Variants in PCDH15 observed in about 807,000 individuals in gnomAD.
PCDH15 encodes protocadherin related 15.
PCDH15 carries 129 observed loss-of-function variants against 178.5 expected under a neutral mutation model. The observed-to-expected ratio is 0.72, with a 90% CI of 0.63 to 0.84. The LOEUF (loss-of-function observed/expected upper bound fraction) is 0.84. Among genes scored for constraint, PCDH15 ranks in the 40% least tolerant of loss-of-function variants. The probability of loss-of-function intolerance (pLI) is 0.00; values close to 1 mark genes in which losing one functional copy is unlikely to be tolerated. For synonymous variants in PCDH15, 800 were observed against 732.0 expected (o/e 1.09, Z -1.50); for missense variants, 2,230 against 2,099.9 (o/e 1.06, Z -1.21).
intron 2 of PCDH15, among the ~76,000 whole-genome samples, chr10:55,033,927 G>T (rs1253290444): frequency 2.6e-5 from 4 of 152,084 alleles, no homozygotes; most frequent in African/African-American, 9.7e-5. Flanking sequence ...CTTTATTAAA[G>T]GGCTTGATGG....
At chr10:55,505,485 C>G (rs1353933741) in intron 2 of PCDH15, among the ~76,000 whole-genome samples, 2 of 151,052 alleles carry the variant, frequency 1.3e-5, no homozygotes, top group Admixed American at 1.3e-4. Context: ...TGACAACAGC[C>G]AAAGAATAAA....
chr10:55,086,811 G>T (rs528119234), intron 2 of PCDH15, among the ~76,000 whole-genome samples: 3 of 152,040 alleles, frequency 2.0e-5, no homozygotes, highest in Admixed American at 2.0e-4. Flanking sequence ...GTAAAAGTTT[G>T]ATATTTAGAT....
At chr10:55,318,244 G>A (rs61851094) in intron 1 of PCDH15, among the ~76,000 whole-genome samples, 2,771 of 152,108 alleles carry the variant, frequency 0.018, 34 homozygotes, top group South Asian at 0.032. Flanking sequence ...GGGAGAGAGA[G>A]TACATGAGTA....
At chr10:54,278,722 A>G (rs2060125208) in intron 8 of PCDH15, among the ~76,000 whole-genome samples, 1 of 151,592 alleles carries the variant, frequency 6.6e-6, no homozygotes. Context: ...ATGAATATCA[A>G]AGTGATTCCA....
chr10:55,471,438 G>A (rs559425580), intron 2 of PCDH15, among the ~76,000 whole-genome samples: 1 of 152,134 alleles, frequency 6.6e-6, no homozygotes, highest in Non-Finnish European at 1.5e-5. Flanking sequence ...ACCATGACTG[G>A]CTAAGTTTAC....
intron 2 of PCDH15, among the ~76,000 whole-genome samples, chr10:55,393,602 C>T (rs1009707344): frequency 2.6e-5 from 4 of 152,042 alleles, no homozygotes; most frequent in Non-Finnish European, 5.9e-5. Flanking sequence ...TGGCATGGCA[C>T]AATGAAGAAT....
intron 8 of PCDH15, among the ~76,000 whole-genome samples, chr10:54,280,699 G>C (rs1028259301): frequency 1.3e-5 from 2 of 151,526 alleles, no homozygotes; most frequent in African/African-American, 2.4e-5. Context: ...TCTGTCAATT[G>C]TTCCCTTATC....
intron 1 of PCDH15, among the ~76,000 whole-genome samples, chr10:54,769,770 C>T (rs1357730745): frequency 6.6e-6 from 1 of 152,046 alleles, no homozygotes; most frequent in African/African-American, 2.4e-5. Context: ...AGTATTTCTT[C>T]CTGCATAAGC....
intron 3 of PCDH15, among the ~76,000 whole-genome samples, chr10:54,483,430 C>T (rs2078864680): frequency 6.6e-6 from 1 of 151,674 alleles, no homozygotes; most frequent in Non-Finnish European, 1.5e-5. Context: ...TGAGGCTTTC[C>T]ATTTGCAGAA....
chr10:55,478,270 A>G (rs1456884851), intron 2 of PCDH15, among the ~76,000 whole-genome samples: 1 of 151,720 alleles, frequency 6.6e-6, no homozygotes, highest in African/African-American at 2.4e-5. Context: ...ATTCACACAG[A>G]AACTCAACAA....
At chr10:54,087,301 C>A (rs1163996194) in intron 16 of PCDH15, among the ~76,000 whole-genome samples, 1 of 152,104 alleles carries the variant, frequency 6.6e-6, no homozygotes, top group East Asian at 1.9e-4. Context: ...AGTCACTCCC[C>A]ATTCTCTCCC....
intron 2 of PCDH15, among the ~76,000 whole-genome samples, chr10:55,478,587 G>A (rs1450374011): frequency 6.6e-6 from 1 of 150,640 alleles, no homozygotes; most frequent in Admixed American, 6.6e-5. Context: ...TGTACCTCAA[G>A]AACCTAGAAA....
At position 54,664,305 on chromosome 10, in the gene PCDH15, G is replaced by C. The variant is rs2094536457; in HGVS notation, c.-28-15C>G. Reference sequence around the variant, plus strand: ...TCAAAGCTGATCTGAAATAAGAAAAGGTAGAAAGAAACATTTGACATGTTC... The same window carrying C: ...TCAAAGCTGATCTGAAATAAGAAAACGTAGAAAGAAACATTTGACATGTTC... On this transcript the variant is annotated splice_polypyrimidine_tract_variant and intron_variant, in intron 1 of 37. Transcript: ENST00000644397. The C allele has an allele frequency of 6.7e-7, 1 of 1,483,770 alleles. No homozygotes were observed. Among genetic ancestry groups the C allele is most frequent in the East Asian group, 2.3e-5 (1 of 43,048 alleles). The allele number at this position is 1,483,770 out of a possible 1,614,324, so 91.9% of individuals were successfully genotyped here. A position where few individuals can be genotyped will look rare whatever the true frequency, so the allele number is the denominator to read the frequency against.
chr10:55,450,808 T>C (rs1408067096), intron 2 of PCDH15, among the ~76,000 whole-genome samples: 1 of 151,916 alleles, frequency 6.6e-6, no homozygotes, highest in Admixed American at 6.6e-5. Context: ...AAGAGACTGG[T>C]TCCGATTATC....
intron 32 of PCDH15, among the ~76,000 whole-genome samples, chr10:53,826,553 A>C (rs757320466): frequency 6.6e-6 from 1 of 151,820 alleles, no homozygotes; most frequent in African/African-American, 2.4e-5. Flanking sequence ...AAAATTGTAA[A>C]ATATTCTTGG....
intron 2 of PCDH15, among the ~76,000 whole-genome samples, chr10:55,010,768 C>T (rs569052185): frequency 3.6e-4 from 55 of 151,190 alleles, no homozygotes; most frequent in Non-Finnish European, 5.7e-4. Context: ...AAGTCTCTTC[C>T]CTGCATTTGC....
At chr10:55,307,614 T>TTC (rs148907102) in intron 1 of PCDH15, among the ~76,000 whole-genome samples, 11 of 151,258 alleles carry the variant, frequency 7.3e-5, no homozygotes, top group Admixed American at 2.6e-4. Context: ...TACTTTCTTC[T>TTC]TCTCTCTCTC....
chr10:53,911,084 C>A (rs1337380674), intron 25 of PCDH15, among the ~76,000 whole-genome samples: 4 of 152,074 alleles, frequency 2.6e-5, no homozygotes, highest in Non-Finnish European at 4.4e-5. Context: ...AGCTGAGAAA[C>A]ACTCTTCAGG....
chr10:55,318,401 T>C (rs993587250), intron 1 of PCDH15, among the ~76,000 whole-genome samples: 2 of 152,050 alleles, frequency 1.3e-5, no homozygotes, highest in African/African-American at 4.8e-5. Flanking sequence ...AGATTCATAA[T>C]GAAAATATAG....
Sources: gnomAD v4.1 joint callset for allele counts (sites outside exome capture counted in the v4.1 genomes callset) on GRCh38, gnomAD v4.1.1 for gene constraint, MANE v1.5 for transcripts, NCBI Gene and HGNC (gene_info 2026-07-23, HGNC 2026-07-21) for gene names.